TARBP1: variants seen among roughly 807,000 people sequenced by gnomAD.
TARBP1 encodes the protein tRNA (guanosine(18)-2'-O)-methyltransferase TARBP1.
A neutral mutation model predicts 178.6 loss-of-function variants in TARBP1; 144 were observed. The observed-to-expected ratio is 0.81, with a 90% CI of 0.70 to 0.93. The LOEUF is 0.93. Among genes scored for constraint, TARBP1 ranks in the 40% least tolerant of loss-of-function variants. The probability of loss-of-function intolerance (pLI) is 0.00; values close to 1 mark genes in which losing one functional copy is unlikely to be tolerated. For missense variants in TARBP1, 2,067 were observed against 2,011.7 expected (o/e 1.03, Z -0.53); for synonymous variants, 787 against 781.0 (o/e 1.01, Z -0.13).
In TARBP1 at chr1:234,425,752, T is replaced by C. The variant is rs74869729; in HGVS notation, c.3365A>G (p.Lys1122Arg). ...EDHYVRICAV[K>R]FLCLLDGSNM... ...GGAGCCATCTAATAAACACAGGAAT[T>C]TGACAGCACAAATTCTCACATAATG... Residue 1122 changes from lysine (K) to arginine (R), a missense_variant, in exon 20 of 30, where the codon AAA (lysine) becomes AGA (arginine). Physicochemically the swap from Lys to Arg is conservative, Grantham distance 26. Coordinates refer to ENST00000040877, the MANE Select transcript of TARBP1 (RefSeq NM_005646.4). 5.9e-4 allele frequency: 952 copies of C among 1,604,820 alleles called. 4 individuals are homozygous for C. In the African/African-American group the frequency reaches 0.011, roughly 19 times the overall value.
chr1:234,428,562 T>TC (rs1048880720), intron 17 of TARBP1, among the ~76,000 whole-genome samples: 16 of 152,034 alleles, frequency 1.1e-4, no homozygotes, highest in African/African-American at 3.9e-4. Context: ...TTTTTTTTTT[T>TC]TGAGATGGAG....
In TARBP1 at chr1:234,462,326, G is replaced by A. The variant is rs57219053; in HGVS notation, c.1399+1511C>T. 2.6e-4 allele frequency among the ~76,000 whole-genome samples: 39 copies of A among 152,246 alleles called. No individual in the cohort carries two copies. The East Asian group carries it at 6.4e-3, about 25-fold the overall frequency. Reference sequence around the variant, plus strand: ...CTACTGACATGTAAGGCAGCAATGCGGCTGACAAATTCATCCCCATATGGC... The same window carrying A: ...CTACTGACATGTAAGGCAGCAATGCAGCTGACAAATTCATCCCCATATGGC... On this transcript the variant is annotated intron_variant, in intron 6 of 29. Coordinates refer to ENST00000040877, the MANE Select transcript of TARBP1 (RefSeq NM_005646.4).
At chr1:234,465,886 T>C (rs569683612) in intron 4 of TARBP1, among the ~76,000 whole-genome samples, 178 bp from the exon 5 acceptor site, 4 of 152,290 alleles carry the variant, frequency 2.6e-5, no homozygotes, top group African/African-American at 9.6e-5. Flanking sequence ...AGCTTAATTC[T>C]ACCAGAAAAA....
chr1:234,441,283 C>T (rs762508991), intron 12 of TARBP1, among the ~76,000 whole-genome samples: 11 of 152,130 alleles, frequency 7.2e-5, no homozygotes, highest in Non-Finnish European at 1.5e-4. Context: ...AATGCAATTC[C>T]AGTCAAGATC....
intron 1 of TARBP1, among the ~76,000 whole-genome samples, chr1:234,476,048 C>A (rs1190805607): frequency 6.6e-6 from 1 of 152,166 alleles, no homozygotes; most frequent in Non-Finnish European, 1.5e-5. Flanking sequence ...ACTCCATAGC[C>A]AAACACTACA....
At position 234,429,625 on chromosome 1, in the gene TARBP1, A is replaced by G; in HGVS notation, c.2662T>C (p.Tyr888His). 2 of 1,612,378 alleles carry G rather than the reference A, an allele frequency of 1.2e-6. No homozygotes were observed. Among genetic ancestry groups the G allele is most frequent in the Non-Finnish European group, 1.7e-6 (2 of 1,179,460 alleles). The change falls in exon 16 of 30, where the codon TAT (tyrosine) becomes CAT (histidine). Residue 888 changes from tyrosine to histidine, a missense_variant. Coordinates refer to ENST00000040877, the MANE Select transcript of TARBP1 (RefSeq NM_005646.4). ...AGGCACACCCATTGATCATGAATATATTGTGCAACTATTTTTCCCCATCCT... is the reference window on the plus strand; with the variant it reads ...AGGCACACCCATTGATCATGAATATGTTGTGCAACTATTTTTCCCCATCCT... ...SQGWGKIVAQ[Y>H]IHDQWVCLSF...
chr1:234,467,649 T>C lies in TARBP1; in HGVS notation c.1101A>G (p.Gly367=). The C allele has an allele frequency of 6.4e-7, 1 of 1,574,054 alleles. No individual in the cohort carries two copies. The highest frequency in any genetic ancestry group is 8.6e-7 in the Non-Finnish European group (1 of 1,166,188). ...GCCAGGATGGGTGAAAGAGCCAACA[T>C]CCTGTGGAAACAAACATCAAATGTT... ...LFEYAVSEEN[G]CWLFHPSWHM... is the part of the protein sequence containing the mutation. Residue 367 remains glycine (G), a splice_region_variant and synonymous_variant, in exon 4 of 30, where the codon GGA becomes GGG. Coordinates refer to ENST00000040877, the MANE Select transcript of TARBP1 (RefSeq NM_005646.4).
chr1:234,443,536 G>A (rs912918327), intron 12 of TARBP1, among the ~76,000 whole-genome samples: 2 of 152,050 alleles, frequency 1.3e-5, no homozygotes, highest in African/African-American at 4.8e-5. Flanking sequence ...AATGTAAAAA[G>A]GTACAGCCAC....
At chr1:234,478,020 A>C (rs1331185006) in intron 1 of TARBP1, among the ~76,000 whole-genome samples, 153 bp downstream of exon 1, 1 of 152,194 alleles carries the variant, frequency 6.6e-6, no homozygotes, top group Non-Finnish European at 1.5e-5. Flanking sequence ...GGGGTTCCAA[A>C]GGTTTTCAGG....
At chr1:234,401,647 T>C (rs1343022252) in intron 24 of TARBP1, among the ~76,000 whole-genome samples, 1 of 152,224 alleles carries the variant, frequency 6.6e-6, no homozygotes. Flanking sequence ...TTGTCAAGTT[T>C]ATGTTTTAAA....
At chr1:234,447,913 G>A (rs1384261591) in intron 11 of TARBP1, among the ~76,000 whole-genome samples, 1 of 152,036 alleles carries the variant, frequency 6.6e-6, no homozygotes, top group Non-Finnish European at 1.5e-5. Context: ...AGTGACTATT[G>A]TATATGGTTT....
At chr1:234,432,646 G>A (rs899502756) in intron 14 of TARBP1, among the ~76,000 whole-genome samples, 2 of 152,148 alleles carry the variant, frequency 1.3e-5, no homozygotes, top group Non-Finnish European at 2.9e-5. Flanking sequence ...TATGCTGGAG[G>A]AGAGGGCACT....
chr1:234,427,656 T>C lies in TARBP1; in HGVS notation c.3171A>G (p.Gly1057=), dbSNP rs1663932900. 3 of 1,591,648 alleles carry C rather than the reference T, an allele frequency of 1.9e-6. No individual in the cohort carries two copies. The highest frequency in any genetic ancestry group is 2.6e-6 in the Non-Finnish European group (3 of 1,173,674). ...TATAATTTTTAGCACTTGATAAAGA[T>C]CCTTGGGACACATTTGAAGCAGACA... ...WIVSASNVSQ[G]SLSSAKNYSE... is the part of the protein sequence containing the mutation. The change falls in exon 18 of 30, where the codon GGA becomes GGG. Residue 1057 remains glycine (G), a synonymous_variant. Coordinates refer to ENST00000040877, the MANE Select transcript of TARBP1 (RefSeq NM_005646.4).
chr1:234,392,464 A>G lies in TARBP1; in HGVS notation c.4649T>C (p.Leu1550Ser), dbSNP rs1659480632. Residue 1550 changes from leucine to serine, a missense_variant, in exon 29 of 30, where the codon TTA becomes TCA. By Grantham distance (145) the Leu-to-Ser change is moderately radical. Coordinates refer to ENST00000040877, the MANE Select transcript of TARBP1 (RefSeq NM_005646.4). ...IIGVEQTAKS[L>S]DLTQYCFPEK... ...AGGAAAGCAATATTGGGTTAGGTCT[A>G]AACTTTTGGCAGTTTGTTCCACTCC... is the stretch of plus-strand genomic sequence containing the variant. 1 of 1,614,234 alleles carries G rather than the reference A, an allele frequency of 6.2e-7. No individual in the cohort carries two copies. The highest frequency in any genetic ancestry group is 8.5e-7 in the Non-Finnish European group (1 of 1,180,028).
intron 24 of TARBP1, among the ~76,000 whole-genome samples, chr1:234,404,509 A>C (rs1661014901): frequency 6.6e-6 from 1 of 152,214 alleles, no homozygotes; most frequent in Non-Finnish European, 1.5e-5. Context: ...AAATAATAGG[A>C]AATACACCAT....
At chr1:234,393,597 T>G (rs1329712153) in intron 27 of TARBP1, 49 bp downstream of exon 27, 1 of 1,585,168 alleles carries the variant, frequency 6.3e-7, no homozygotes, top group Non-Finnish European at 8.6e-7. Flanking sequence ...TAAAAAATGT[T>G]GAAGACCAAA....
intron 13 of TARBP1, among the ~76,000 whole-genome samples, chr1:234,435,127 C>A (rs1664869489): frequency 6.6e-6 from 1 of 152,154 alleles, no homozygotes; most frequent in Non-Finnish European, 1.5e-5. Flanking sequence ...TAGAAGGGAA[C>A]ATGAAATTGA....
chr1:234,459,719 C>T (rs1257025549), intron 7 of TARBP1, among the ~76,000 whole-genome samples: 2 of 151,478 alleles, frequency 1.3e-5, no homozygotes, highest in Admixed American at 6.6e-5. Context: ...GGCTAAGACA[C>T]GAGAATCGCT....
rs147896981 is a variant in TARBP1, at chr1:234,464,144, A to G, written c.1302-210T>C. 1.2e-3 allele frequency among the ~76,000 whole-genome samples: 181 copies of G among 152,332 alleles called. 1 individual carries two copies. The highest frequency in any genetic ancestry group is 3.9e-3 in the African/African-American group (163 of 41,566). ...ATCAGGAACTTGTAGGAAAATGGACATGAGTTAATAACCTACTTTACTAAG... is the reference window on the plus strand; with the variant it reads ...ATCAGGAACTTGTAGGAAAATGGACGTGAGTTAATAACCTACTTTACTAAG... On this transcript the variant is annotated intron_variant, in intron 5 of 29. Coordinates refer to ENST00000040877, the MANE Select transcript of TARBP1 (RefSeq NM_005646.4).
Sources: allele counts gnomAD v4.1 joint callset (sites outside exome capture counted in the v4.1 genomes callset), GRCh38; gene constraint gnomAD v4.1.1; transcripts MANE v1.5; gene names NCBI Gene and HGNC (gene_info 2026-07-23, HGNC 2026-07-21).